PARP8: variants seen among roughly 807,000 people sequenced by gnomAD.
PARP8 encodes poly(ADP-ribose) polymerase family member 8.
In PARP8, 51 loss-of-function variants were observed where a neutral mutation model predicts 124.1. The ratio of observed to expected loss-of-function variants is 0.41; its 90% CI spans 0.33 to 0.52. The LOEUF (loss-of-function observed/expected upper bound fraction) is 0.52, where lower values mean the gene tolerates loss of function less well. Ranked by LOEUF, PARP8 falls within the 20% of genes least tolerant of loss-of-function variation. The pLI is 0.21. For missense variants in PARP8, 860 were observed against 1,018.9 expected (o/e 0.84, Z 2.12); for synonymous variants, 391 against 361.5 (o/e 1.08, Z -0.93).
At chr5:50,674,982 A>G (rs995291141) in intron 2 of PARP8, among the ~76,000 whole-genome samples, 1 of 152,394 alleles carries the variant, frequency 6.6e-6, no homozygotes, top group East Asian at 1.9e-4. Flanking sequence ...TCCATCCATT[A>G]CAAGATTAAT....
chr5:50,721,687 C>G (rs1755904445), intron 2 of PARP8, among the ~76,000 whole-genome samples: 1 of 151,986 alleles, frequency 6.6e-6, no homozygotes, highest in Non-Finnish European at 1.5e-5. Flanking sequence ...GAACCTGTCT[C>G]CCTTTTGGTA....
At position 50,795,235 on chromosome 5, in the gene PARP8, A is replaced by G; in HGVS notation, c.1246A>G (p.Arg416Gly). ...LLSRSYSSNL[R>G]MEELYGLKNH... Reference sequence around the variant, plus strand: ...AAGCAGGTCTTACTCTAGTAATCTCAGAATGGAAGAATTATATGGACTGAA... The same window carrying G: ...AAGCAGGTCTTACTCTAGTAATCTCGGAATGGAAGAATTATATGGACTGAA... Residue 416 changes from arginine (R) to glycine (G), a missense_variant, in exon 12 of 26, where the codon AGA becomes GGA. Physicochemically the swap from Arg to Gly is moderately radical, Grantham distance 125 (BLOSUM62 -2). This residue lies in a region of PARP8 where 517 missense variants were observed against 544.2 expected (regional missense o/e 0.95). Coordinates refer to ENST00000281631, the MANE Select transcript of PARP8 (RefSeq NM_024615.4). The G allele has an allele frequency of 1.2e-6, 2 of 1,614,140 alleles. No individual in the cohort carries two copies. The highest frequency in any genetic ancestry group is 1.3e-5 in the African/African-American group (1 of 75,058).
intron 2 of PARP8, among the ~76,000 whole-genome samples, chr5:50,705,300 G>C (rs950087420): frequency 6.6e-5 from 10 of 152,156 alleles, no homozygotes; most frequent in Non-Finnish European, 1.3e-4. Context: ...AGGTGAGCCA[G>C]GTTGCTGACA....
At chr5:50,695,745 T>C (rs1394432730) in intron 2 of PARP8, among the ~76,000 whole-genome samples, 2 of 152,226 alleles carry the variant, frequency 1.3e-5, no homozygotes, top group African/African-American at 4.8e-5. Context: ...TTATTATTCC[T>C]TGAAGCACTG....
intron 2 of PARP8, among the ~76,000 whole-genome samples, chr5:50,708,666 A>G (rs1754410020): frequency 6.7e-6 from 1 of 150,258 alleles, no homozygotes; most frequent in Admixed American, 6.6e-5. Flanking sequence ...TGAAGTTCTG[A>G]AATTTCACAT....
intron 14 of PARP8, among the ~76,000 whole-genome samples, chr5:50,806,149 A>G (rs760193938): frequency 2.6e-5 from 4 of 152,054 alleles, no homozygotes; most frequent in Non-Finnish European, 5.9e-5. Flanking sequence ...AATCCTCTTA[A>G]TAACTCTCTG....
In PARP8 at chr5:50,798,217, A is replaced by G. The variant is rs181779603; in HGVS notation, c.1575+984A>G. 3.9e-5 allele frequency among the ~76,000 whole-genome samples: 6 copies of G among 152,272 alleles called. No individual in the cohort carries two copies. In the East Asian group the frequency reaches 1.2e-3, roughly 29 times the overall value. ...TGTTTATCCAGTCATCAGTCGATGGAATTGCTAGAACATATGTTAACTCTG... is the reference window on the plus strand; with the variant it reads ...TGTTTATCCAGTCATCAGTCGATGGGATTGCTAGAACATATGTTAACTCTG... On this transcript the variant is annotated intron_variant, in intron 14 of 25. Transcript: ENST00000281631.
chr5:50,748,345 C>T (rs1189274970), intron 2 of PARP8, among the ~76,000 whole-genome samples: 1 of 152,110 alleles, frequency 6.6e-6, no homozygotes, highest in Non-Finnish European at 1.5e-5. Context: ...TAAGACCATC[C>T]TACCCCTCCC....
In PARP8 at chr5:50,801,283, G is replaced by A. The variant is rs141193669; in HGVS notation, c.1575+4050G>A. ...CCCGGCTAATTTTGTGTTTTTATTA[G>A]AGACGGGGTTTCTTCGTGTTGGTCA... is the stretch of plus-strand genomic sequence containing the variant. On this transcript the variant is annotated intron_variant, in intron 14 of 25. Coordinates refer to ENST00000281631, the MANE Select transcript of PARP8 (RefSeq NM_024615.4). Among the ~76,000 whole-genome samples the A allele has an allele frequency of 2.0e-5, 3 of 152,136 alleles. No individual in the cohort carries two copies. The East Asian group carries it at 5.8e-4, about 29-fold the overall frequency.
At chr5:50,699,521 A>G (rs1753371055) in intron 2 of PARP8, among the ~76,000 whole-genome samples, 1 of 152,174 alleles carries the variant, frequency 6.6e-6, no homozygotes, top group Non-Finnish European at 1.5e-5. Context: ...ATCAGGGGAA[A>G]CAGGTTTACT....
At chr5:50,825,122 T>C in intron 18 of PARP8, 147 bp downstream of exon 18, 1 of 676,410 alleles carries the variant, frequency 1.5e-6, no homozygotes, top group Admixed American at 2.8e-5. Context: ...CTGGTGATTT[T>C]ACAACCTTAG....
chr5:50,717,225 G>A (rs1755407590), intron 2 of PARP8, among the ~76,000 whole-genome samples: 1 of 151,976 alleles, frequency 6.6e-6, no homozygotes. Flanking sequence ...GCTATTAGAG[G>A]AGTCCAGGGG....
chr5:50,820,506 T>C (rs1745637147), intron 15 of PARP8, among the ~76,000 whole-genome samples: 2 of 152,172 alleles, frequency 1.3e-5, no homozygotes, highest in African/African-American at 4.8e-5. Flanking sequence ...TGCAGAAGAA[T>C]CATAGGATAA....
intron 7 of PARP8, among the ~76,000 whole-genome samples, chr5:50,768,641 G>T (rs1761288246): frequency 6.6e-6 from 1 of 152,140 alleles, no homozygotes; most frequent in South Asian, 2.1e-4. Flanking sequence ...ACCGAATACT[G>T]CATTCAGGAC....
intron 2 of PARP8, among the ~76,000 whole-genome samples, chr5:50,747,150 G>GTTTTTTTTTTTTTTTTTTT (rs1561320439): frequency 2.6e-5 from 1 of 38,482 alleles, no homozygotes; most frequent in African/African-American, 7.0e-5. Flanking sequence ...GGTTTTTTTT[G>GTTTTTTTTTTTTTTTTTTT]TTTGTTTGTT....
At position 50,842,610 on chromosome 5, in the gene PARP8, A is replaced by C. The variant is rs1748290845; in HGVS notation, c.*542A>C. 1 of 152,214 alleles carries C rather than the reference A, an allele frequency of 6.6e-6. No individual in the cohort carries two copies. The allele number at this position is 152,214 out of a possible 1,614,324, so 9.4% of individuals were successfully genotyped here. A position where few individuals can be genotyped will look rare whatever the true frequency, so the allele number is the denominator to read the frequency against. On this transcript the variant is annotated 3_prime_UTR_variant, in exon 26 of 26. Transcript: ENST00000281631. ...GTCTTAGAAGCAGTGCTTTGCCAAAAAGTATGTAATATACACATCTATACA... is the reference window on the plus strand; with the variant it reads ...GTCTTAGAAGCAGTGCTTTGCCAAACAGTATGTAATATACACATCTATACA...
At chr5:50,730,896 T>A (rs79906784) in intron 2 of PARP8, among the ~76,000 whole-genome samples, 1 of 152,300 alleles carries the variant, frequency 6.6e-6, no homozygotes, top group East Asian at 1.9e-4. Context: ...AAGGAAGTAA[T>A]GTGCAAGGGC....
chr5:50,798,333 A>G (rs953819289), intron 14 of PARP8, among the ~76,000 whole-genome samples: 4 of 152,000 alleles, frequency 2.6e-5, no homozygotes, highest in South Asian at 2.1e-4. Flanking sequence ...TACAGTCTCT[A>G]TACATCTTCC....
intron 15 of PARP8, among the ~76,000 whole-genome samples, chr5:50,820,543 G>C (rs1745643172): frequency 6.6e-6 from 1 of 152,192 alleles, no homozygotes; most frequent in Admixed American, 6.5e-5. Flanking sequence ...TAAAGCCATT[G>C]TCTTTAGCCA....
Sources: allele counts gnomAD v4.1 joint callset (sites outside exome capture counted in the v4.1 genomes callset), GRCh38; gene constraint gnomAD v4.1.1; regional missense constraint gnomAD v4.1.1; transcripts MANE v1.5; gene names NCBI Gene and HGNC (gene_info 2026-07-23, HGNC 2026-07-21).